Variants in CACNA1D observed in about 807,000 individuals in gnomAD.
CACNA1D encodes calcium voltage-gated channel subunit alpha1 D.
In CACNA1D, 55 loss-of-function variants were observed where a neutral mutation model predicts 257.1. That is an observed-to-expected ratio of 0.21 (90% CI 0.17 to 0.27). CACNA1D has a LOEUF of 0.27. Among genes scored for constraint, CACNA1D ranks in the 10% least tolerant of loss-of-function variants. The pLI, the probability that CACNA1D is intolerant of heterozygous loss-of-function variation, is 1.00. For missense variants in CACNA1D, 1,876 were observed against 2,784.0 expected, an observed-to-expected ratio of 0.67 and a Z score of 7.34; for synonymous variants, 980 against 1,014.9, an observed-to-expected ratio of 0.97 and a Z score of 0.65.
intron 29 of CACNA1D, among the ~76,000 whole-genome samples, chr3:53,760,951 G>A (rs759531690): frequency 1.9e-4 from 29 of 152,174 alleles, no homozygotes; most frequent in Non-Finnish European, 5.9e-5. Context: ...TGGTAGAGCT[G>A]CAGACAAAGA....
chr3:53,800,916 A>G lies in CACNA1D; in HGVS notation c.5041-142A>G, dbSNP rs1026564642. On this transcript the variant is annotated intron_variant, in intron 41 of 47. Transcript: ENST00000350061. This position sits in a 1 kb window ranked among gnomAD's most constrained non-coding sequence, Gnocchi z 4.3. Reference sequence around the variant, plus strand: ...CCACACAGTCACATTCACCCTGATCATTGAGACACTCAGATTGTTTTACAG... The same window carrying G: ...CCACACAGTCACATTCACCCTGATCGTTGAGACACTCAGATTGTTTTACAG... 8 of 805,580 alleles carry G rather than the reference A, an allele frequency of 9.9e-6. No homozygotes were observed. The highest frequency in any genetic ancestry group is 1.8e-5 in the Admixed American group (1 of 55,618). The allele number at this position is 805,580 out of a possible 1,614,324, so 49.9% of individuals were successfully genotyped here. A position where few individuals can be genotyped will look rare whatever the true frequency, so the allele number is the denominator to read the frequency against.
chr3:53,775,319 G>A (rs2095390931), intron 34 of CACNA1D, among the ~76,000 whole-genome samples: 1 of 152,184 alleles, frequency 6.6e-6, no homozygotes, highest in African/African-American at 2.4e-5. Flanking sequence ...GCTCACGCCT[G>A]TAATCCCAGC....
At chr3:53,639,732 G>T (rs2093928247) in intron 3 of CACNA1D, among the ~76,000 whole-genome samples, 1 of 151,944 alleles carries the variant, frequency 6.6e-6, no homozygotes, top group African/African-American at 2.4e-5. Flanking sequence ...GCCATATACA[G>T]ATTTGAAAAG....
intron 3 of CACNA1D, among the ~76,000 whole-genome samples, chr3:53,634,744 A>G (rs769798541): frequency 3.3e-5 from 5 of 152,226 alleles, no homozygotes; most frequent in Non-Finnish European, 5.9e-5. Flanking sequence ...CACCATCAGT[A>G]TCAATCCTCA....
chr3:53,546,637 T>TC (rs2092419978), intron 3 of CACNA1D, among the ~76,000 whole-genome samples: 1 of 152,166 alleles, frequency 6.6e-6, no homozygotes, highest in African/African-American at 2.4e-5. Flanking sequence ...GCCCCTTGTC[T>TC]CCTACTCCAA....
rs560267757 is a variant in CACNA1D at position 53,802,071 on chromosome 3, T to C, written c.5409-76T>C. 8.0e-6 allele frequency: 10 copies of C among 1,253,252 alleles called. No individual in the cohort carries two copies. In the East Asian group the frequency reaches 1.9e-4, roughly 23 times the overall value. The allele number at this position is 1,253,252 out of a possible 1,614,324, so 77.6% of individuals were successfully genotyped here. A position where few individuals can be genotyped will look rare whatever the true frequency, so the allele number is the denominator to read the frequency against. On this transcript the variant is annotated intron_variant, in intron 42 of 47. Coordinates refer to ENST00000350061, the MANE Select transcript of CACNA1D (RefSeq NM_001128840.3). ...ACCCCTACTCTAGGAGGTAGCCTGA[T>C]GTTTGCATTGTAAATTTGGTTGGAA...
chr3:53,533,046 C>A (rs2091999540), intron 3 of CACNA1D, among the ~76,000 whole-genome samples: 2 of 152,302 alleles, frequency 1.3e-5, no homozygotes, highest in South Asian at 2.1e-4. Context: ...AGGCTCTTTG[C>A]TAGATCAAAC....
chr3:53,566,394 C>G (rs995490948), intron 3 of CACNA1D, among the ~76,000 whole-genome samples: 1 of 152,132 alleles, frequency 6.6e-6, no homozygotes, highest in Admixed American at 6.5e-5. Flanking sequence ...TTGGTTTACT[C>G]CTGATTACCT....
Position 53,703,226 on chromosome 3 carries a change from T to C in CACNA1D, c.1390+416T>C, listed in dbSNP as rs369811030. Among the ~76,000 whole-genome samples the C allele has an allele frequency of 2.0e-5, 3 of 152,218 alleles. No individual in the cohort carries two copies. The East Asian group carries it at 5.8e-4, about 29-fold the overall frequency. ...GAAGTGCAGGGTTCCTCTTGACTCT[T>C]ACTCTTAGGCCACCTGACATGGCTC... On this transcript the variant is annotated intron_variant, in intron 9 of 47. Coordinates refer to ENST00000350061, the MANE Select transcript of CACNA1D (RefSeq NM_001128840.3).
chr3:53,524,365 T>C (rs574398104), intron 3 of CACNA1D, among the ~76,000 whole-genome samples: 1 of 152,364 alleles, frequency 6.6e-6, no homozygotes, highest in East Asian at 1.9e-4. Context: ...ACTTTTTTGC[T>C]GTCTTCTTTA....
At chr3:53,809,889 G>A (rs1400580661) in intron 46 of CACNA1D, 89 bp from the exon 47 acceptor site, 14 of 1,224,422 alleles carry the variant, frequency 1.1e-5, no homozygotes, top group Middle Eastern at 1.9e-4. Context: ...CCTGGCGAGC[G>A]CAGCGCCGGT....
intron 3 of CACNA1D, among the ~76,000 whole-genome samples, chr3:53,549,429 G>T (rs995130238): frequency 1.3e-5 from 2 of 152,146 alleles, no homozygotes; most frequent in African/African-American, 4.8e-5. Context: ...TTTTGCCTCA[G>T]CCACTGACTT....
At chr3:53,508,780 A>G (rs1383429857) in intron 3 of CACNA1D, among the ~76,000 whole-genome samples, 3 of 152,218 alleles carry the variant, frequency 2.0e-5, no homozygotes, top group Non-Finnish European at 4.4e-5. Context: ...TGGGTGTTAA[A>G]TACCAGTGGC....
intron 3 of CACNA1D, among the ~76,000 whole-genome samples, chr3:53,505,282 T>G (rs1447029934): frequency 6.6e-6 from 1 of 152,020 alleles, no homozygotes; most frequent in Non-Finnish European, 1.5e-5. Flanking sequence ...CTAATATTTT[T>G]GTATTTTTAG....
In CACNA1D at chr3:53,753,543, G is replaced by A. The variant is rs1299216850; in HGVS notation, c.3676-29G>A. 6 of 1,430,844 alleles carry A rather than the reference G, an allele frequency of 4.2e-6. No homozygotes were observed. In the African/African-American group the frequency reaches 8.4e-5, roughly 20 times the overall value. The allele number at this position is 1,430,844 out of a possible 1,614,324, so 88.6% of individuals were successfully genotyped here. A position where few individuals can be genotyped will look rare whatever the true frequency, so the allele number is the denominator to read the frequency against. On this transcript the variant is annotated intron_variant, in intron 28 of 47. Transcript: ENST00000350061. ...CATGTGAGATCGTGGCTGAGGCTCT[G>A]AGAACGGTCCCTCTGTCTTCATCCA...
chr3:53,534,835 C>T (rs9859646), intron 3 of CACNA1D, among the ~76,000 whole-genome samples: 2,806 of 152,264 alleles, frequency 0.018, 96 homozygotes, highest in African/African-American at 0.063. Flanking sequence ...TGGCTGTCAG[C>T]GCCGGGCCAG....
intron 3 of CACNA1D, among the ~76,000 whole-genome samples, chr3:53,594,938 G>T (rs975688462): frequency 6.6e-6 from 1 of 152,222 alleles, no homozygotes; most frequent in Admixed American, 6.5e-5. Context: ...ACCCAGATAT[G>T]AAAATCAGAT....
Position 53,804,870 on chromosome 3 carries a change from T to G in CACNA1D, c.5586-113T>G, listed in dbSNP as rs371913257. The G allele has an allele frequency of 4.4e-4, 443 of 1,013,644 alleles. 4 individuals carry two copies. In the South Asian group the frequency reaches 5.5e-3, roughly 13 times the overall value. 62.8% of individuals were successfully genotyped at this position (1,013,644 alleles called of 1,614,324 possible). A position where few individuals can be genotyped will look rare whatever the true frequency, so the allele number is the denominator to read the frequency against. ...TGAGGCCAGCCTTGTTCTCAGCCAATCCTACTGTGTCCAAGGGAGGAGGCG... is the reference window on the plus strand; with the variant it reads ...TGAGGCCAGCCTTGTTCTCAGCCAAGCCTACTGTGTCCAAGGGAGGAGGCG... On this transcript the variant is annotated intron_variant, in intron 44 of 47. Coordinates refer to ENST00000350061, the MANE Select transcript of CACNA1D (RefSeq NM_001128840.3).
At chr3:53,599,849 T>G (rs1187359239) in intron 3 of CACNA1D, among the ~76,000 whole-genome samples, 1 of 152,226 alleles carries the variant, frequency 6.6e-6, no homozygotes, top group Non-Finnish European at 1.5e-5. Flanking sequence ...ACCGTCTTGG[T>G]GCACTGTAAC....
Sources: gnomAD v4.1 joint callset for allele counts (sites outside exome capture counted in the v4.1 genomes callset) on GRCh38, gnomAD v4.1.1 for gene constraint, Gnocchi (gnomAD v3.1) non-coding constraint, MANE v1.5 for transcripts, NCBI Gene and HGNC (gene_info 2026-07-23, HGNC 2026-07-21) for gene names.